The following SLC12A8 variants were observed in gnomAD, a reference collection of about 807,000 sequenced individuals.
The protein encoded by SLC12A8 is solute carrier family 12 member 8.
A neutral mutation model predicts 75.6 loss-of-function variants in SLC12A8; 69 were observed. The observed-to-expected ratio is 0.91, with a 90% CI of 0.75 to 1.11. SLC12A8 has a LOEUF of 1.11. Among genes scored for constraint, SLC12A8 ranks in the 50% most tolerant of loss-of-function variants. The probability of loss-of-function intolerance (pLI) is 0.00; values close to 1 mark genes in which losing one functional copy is unlikely to be tolerated. For synonymous variants in SLC12A8, 365 were observed against 372.8 expected (o/e 0.98, Z 0.24); for missense variants, 877 against 896.7 (o/e 0.98, Z 0.28).
Position 125,092,205 on chromosome 3 carries a change from A to G in SLC12A8, c.1706-7T>C. 6.2e-7 allele frequency: 1 copy of G among 1,607,652 alleles called. No homozygotes were observed. Among genetic ancestry groups the G allele is most frequent in the Non-Finnish European group, 8.5e-7 (1 of 1,174,736 alleles). ...CTGGACTTCAGGAAGAAATCTAAAA[A>G]ATAGCCAAAGATTTGGCTGCCAAAT... On this transcript the variant is annotated splice_polypyrimidine_tract_variant and splice_region_variant and intron_variant, in intron 10 of 13. Transcript: ENST00000469902.
At chr3:125,129,617 G>T (rs1343625478) in intron 6 of SLC12A8, among the ~76,000 whole-genome samples, 1 of 152,190 alleles carries the variant, frequency 6.6e-6, no homozygotes, top group South Asian at 2.1e-4. Context: ...ATGGGGGGCT[G>T]GGGACAGAAG....
intron 2 of SLC12A8, among the ~76,000 whole-genome samples, chr3:125,200,231 T>C (rs1051734031): frequency 6.6e-6 from 1 of 152,182 alleles, no homozygotes. Context: ...GGCGGATCGC[T>C]TGAGTCCAGG....
intron 6 of SLC12A8, among the ~76,000 whole-genome samples, chr3:125,129,532 G>A (rs867224028): frequency 6.6e-6 from 1 of 152,126 alleles, no homozygotes; most frequent in African/African-American, 2.4e-5. Context: ...ATCTCCAGCC[G>A]CTCTTCCCAG....
chr3:125,183,077 C>T (rs983820207), intron 4 of SLC12A8, among the ~76,000 whole-genome samples: 1 of 152,106 alleles, frequency 6.6e-6, no homozygotes, highest in Non-Finnish European at 1.5e-5. Flanking sequence ...TATATCATCA[C>T]CCTGTCTGCC....
At chr3:125,212,522 C>T (rs1935357202) in intron 1 of SLC12A8, among the ~76,000 whole-genome samples, 178 bp downstream of exon 1, 1 of 152,180 alleles carries the variant, frequency 6.6e-6, no homozygotes, top group African/African-American at 2.4e-5. Flanking sequence ...GACCCGCACC[C>T]CAAGTACTGG....
At chr3:125,190,563 G>C in intron 2 of SLC12A8, 42 bp from the exon 3 acceptor site, 1 of 1,606,398 alleles carries the variant, frequency 6.2e-7, no homozygotes, top group East Asian at 2.2e-5. Flanking sequence ...GGGCCATTGG[G>C]AGGGCCAGGG....
In SLC12A8 at chr3:125,177,752, G is replaced by C; in HGVS notation, c.613C>G (p.Leu205Val). The C allele has an allele frequency of 6.2e-7, 1 of 1,613,882 alleles. No homozygotes were observed. Among genetic ancestry groups the C allele is most frequent in the Non-Finnish European group, 8.5e-7 (1 of 1,179,846 alleles). The change falls in exon 5 of 14, where the codon CTG (leucine) becomes GTG (valine). Residue 205 changes from leucine to valine, a missense_variant. Coordinates refer to ENST00000469902, the MANE Select transcript of SLC12A8 (RefSeq NM_024628.6). Reference sequence around the variant, plus strand: ...ACTCTGAAAGGCTTACCTGGGTCCAGGTGGGTGAAAGAACCCACCACAAAG... The same window carrying C: ...ACTCTGAAAGGCTTACCTGGGTCCACGTGGGTGAAAGAACCCACCACAAAG... The part of the protein sequence containing the change: ...LDFVVGSFTH[L>V]DPEHGFIGYS...
At chr3:125,206,291 T>C (rs1935224785) in intron 2 of SLC12A8, among the ~76,000 whole-genome samples, 1 of 152,218 alleles carries the variant, frequency 6.6e-6, no homozygotes, top group South Asian at 2.1e-4. Flanking sequence ...GGCTGTGTTC[T>C]GGGGCCAGTA....
chr3:125,174,436 TACAA>T (rs1934477156), intron 5 of SLC12A8, among the ~76,000 whole-genome samples: 1 of 152,218 alleles, frequency 6.6e-6, no homozygotes, highest in South Asian at 2.1e-4. Flanking sequence ...GGCAGTTTCT[TACAA>T]ACATAGTCTT....
At chr3:125,203,654 G>T (rs1935172805) in intron 2 of SLC12A8, among the ~76,000 whole-genome samples, 1 of 152,146 alleles carries the variant, frequency 6.6e-6, no homozygotes, top group Non-Finnish European at 1.5e-5. Context: ...AACATAGGGG[G>T]CATGCTTTGG....
At chr3:125,091,380 T>C (rs1579461221) in intron 12 of SLC12A8, 59 bp downstream of exon 12, 2 of 1,130,802 alleles carry the variant, frequency 1.8e-6, no homozygotes, top group East Asian at 4.7e-5. Context: ...AATCTTTTTT[T>C]TCCCAATGAA....
intron 10 of SLC12A8, among the ~76,000 whole-genome samples, chr3:125,104,177 C>T (rs752991522): frequency 2.0e-5 from 3 of 152,096 alleles, no homozygotes; most frequent in Non-Finnish European, 4.4e-5. Context: ...GTGATCATAG[C>T]TCATTGTAAC....
At chr3:125,163,424 G>A (rs1266740513) in intron 5 of SLC12A8, among the ~76,000 whole-genome samples, 2 of 151,258 alleles carry the variant, frequency 1.3e-5, no homozygotes, top group African/African-American at 4.9e-5. Context: ...TGACTAACAC[G>A]GTGAAACCCC....
chr3:125,172,013 C>G (rs1326617720), intron 5 of SLC12A8, among the ~76,000 whole-genome samples: 1 of 151,938 alleles, frequency 6.6e-6, no homozygotes, highest in Non-Finnish European at 1.5e-5. Context: ...GTGGCTCAAG[C>G]CTGTAATCCC....
intron 8 of SLC12A8, among the ~76,000 whole-genome samples, chr3:125,115,901 A>T (rs1939299606): frequency 6.6e-6 from 1 of 152,180 alleles, no homozygotes; most frequent in Non-Finnish European, 1.5e-5. Context: ...GCCACAAGTA[A>T]GACAGGAAGC....
At chr3:125,184,130 G>A (rs1256932334) in intron 4 of SLC12A8, among the ~76,000 whole-genome samples, 2 of 151,842 alleles carry the variant, frequency 1.3e-5, no homozygotes, top group African/African-American at 2.4e-5. Flanking sequence ...GCGCCACCAC[G>A]CCTGGCTAAT....
At chr3:125,162,311 G>C (rs1934192780) in intron 5 of SLC12A8, among the ~76,000 whole-genome samples, 1 of 152,244 alleles carries the variant, frequency 6.6e-6, no homozygotes. Context: ...AGTTGACTGA[G>C]ATAGATTCCA....
At chr3:125,160,793 G>T (rs1382278856) in intron 5 of SLC12A8, among the ~76,000 whole-genome samples, 3 of 152,202 alleles carry the variant, frequency 2.0e-5, no homozygotes, top group Non-Finnish European at 4.4e-5. Flanking sequence ...ATGTGAGTGA[G>T]GACTCATCAT....
chr3:125,096,762 T>A (rs953097603), intron 10 of SLC12A8, among the ~76,000 whole-genome samples: 2 of 152,202 alleles, frequency 1.3e-5, no homozygotes, highest in Non-Finnish European at 2.9e-5. Context: ...TCTATTACTT[T>A]TCAAAAAATA....
Sources: allele counts gnomAD v4.1 joint callset (sites outside exome capture counted in the v4.1 genomes callset), GRCh38; gene constraint gnomAD v4.1.1; transcripts MANE v1.5; gene names NCBI Gene and HGNC (gene_info 2026-07-23, HGNC 2026-07-21).